Variants in BDNF observed in about 807,000 individuals in gnomAD.
The protein encoded by BDNF is brain derived neurotrophic factor.
In BDNF, 1 loss-of-function variant was observed where a neutral mutation model predicts 19.5. That is an observed-to-expected ratio of 0.05 (90% CI 0.02 to 0.24). The LOEUF (loss-of-function observed/expected upper bound fraction) is 0.24. Among genes scored for constraint, BDNF ranks in the 10% least tolerant of loss-of-function variants. The probability of loss-of-function intolerance (pLI) is 1.00; values close to 1 mark genes in which losing one functional copy is unlikely to be tolerated. For missense variants in BDNF, 195 were observed against 317.6 expected (o/e 0.61, Z 2.93); for synonymous variants, 100 against 121.6 (o/e 0.82, Z 1.17).
chr11:27,688,973 C>T (rs1426689694), intron 1 of BDNF, among the ~76,000 whole-genome samples: 1 of 152,146 alleles, frequency 6.6e-6, no homozygotes, highest in Non-Finnish European at 1.5e-5. Context: ...ATTCATTTTT[C>T]CCTCTAAGAG....
At position 27,655,054 on chromosome 11, in the gene BDNF, A is replaced by G. The variant is rs1438581345; in HGVS notation, c.*2767T>C. 6.6e-6 allele frequency: 1 copy of G among 152,274 alleles called. No homozygotes were observed. Among genetic ancestry groups the G allele is most frequent in the Non-Finnish European group, 1.5e-5 (1 of 68,002 alleles). The allele number at this position is 152,274 out of a possible 1,614,324, so 9.4% of individuals were successfully genotyped here. ...TTTTTTCAATAACATAATTATATAA[A>G]TATACTAAAATACAATAAATATTGT... On this transcript the variant is annotated 3_prime_UTR_variant, in exon 2 of 2. Transcript: ENST00000356660.
chr11:27,702,306 A>G (rs1188646530), upstream of BDNF, among the ~76,000 whole-genome samples: 4 of 152,196 alleles, frequency 2.6e-5, no homozygotes, highest in African/African-American at 9.7e-5. Flanking sequence ...ATTGTGATTT[A>G]GTAGGGGTGG....
At chr11:27,681,751 A>G (rs1422482556) in intron 1 of BDNF, among the ~76,000 whole-genome samples, 1 of 152,174 alleles carries the variant, frequency 6.6e-6, no homozygotes, top group African/African-American at 2.4e-5. Context: ...GGAGCTGGAA[A>G]GTACTAAAAA....
intron 1 of BDNF, among the ~76,000 whole-genome samples, chr11:27,699,936 G>C (rs1050911091): frequency 1.3e-5 from 2 of 152,134 alleles, no homozygotes; most frequent in Admixed American, 1.3e-4. Context: ...CCTCTACTTC[G>C]TGACTTCCCC....
upstream of BDNF, among the ~76,000 whole-genome samples, chr11:27,705,289 G>A (rs1860066316): frequency 6.6e-6 from 1 of 152,158 alleles, no homozygotes; most frequent in African/African-American, 2.4e-5. Flanking sequence ...AGTTGGTTTT[G>A]CTAGGAGAAA....
chr11:27,658,830 A>G lies in BDNF; in HGVS notation c.-21-245T>C, dbSNP rs1852930100. The G allele has an allele frequency of 7.2e-7, 1 of 1,385,928 alleles. No homozygotes were observed. Among genetic ancestry groups the G allele is most frequent in the South Asian group, 1.6e-5 (1 of 61,744 alleles). 85.9% of individuals were successfully genotyped at this position (1,385,928 alleles called of 1,614,324 possible). ...ATCTAGCATATAAACCTGAGATTAG[A>G]TGGCTTCTAAGCAAGTGCAAAAATT... On this transcript the variant is annotated intron_variant, in intron 1 of 1. Transcript: ENST00000356660. The surrounding 1 kb of genome is among the most constrained non-coding windows in gnomAD (Gnocchi z 5.7).
At chr11:27,674,853 A>G (rs1855874813) in intron 1 of BDNF, 1 of 922,870 alleles carries the variant, frequency 1.1e-6, no homozygotes, top group African/African-American at 1.8e-5. Context: ...TGTTGGTGAT[A>G]GGATTTTGGA....
intron 1 of BDNF, among the ~76,000 whole-genome samples, chr11:27,664,437 G>GAGAA (rs1411158530): frequency 6.6e-6 from 1 of 152,038 alleles, no homozygotes; most frequent in South Asian, 2.1e-4. Context: ...ATTTTATAAA[G>GAGAA]AGAAAGAAGT....
chr11:27,668,668 T>C (rs1174978199), intron 1 of BDNF, among the ~76,000 whole-genome samples: 4 of 151,774 alleles, frequency 2.6e-5, no homozygotes, highest in African/African-American at 9.7e-5. Flanking sequence ...TAAAAGAAAT[T>C]TATAAATTCC....
chr11:27,662,607 C>T (rs1398322227), intron 1 of BDNF, among the ~76,000 whole-genome samples: 1 of 152,174 alleles, frequency 6.6e-6, no homozygotes, highest in Non-Finnish European at 1.5e-5. Context: ...TGAAATGGTT[C>T]CACCTTAGAT....
intron 1 of BDNF, among the ~76,000 whole-genome samples, chr11:27,676,359 A>G (rs1856109430): frequency 1.3e-5 from 2 of 152,186 alleles, no homozygotes; most frequent in Non-Finnish European, 2.9e-5. Flanking sequence ...TTTAAATTAA[A>G]TAACCACTGT....
chr11:27,675,843 A>T (rs1409521586), intron 1 of BDNF: 1 of 152,184 alleles, frequency 6.6e-6, no homozygotes, highest in Non-Finnish European at 1.5e-5. Context: ...CATCGAGTCA[A>T]AACAGCCAAA....
At chr11:27,700,023 C>G in intron 1 of BDNF, 141 bp downstream of exon 1, 4 of 842,682 alleles carry the variant, frequency 4.7e-6, no homozygotes, top group Non-Finnish European at 5.7e-6. Context: ...AAGAGTAACT[C>G]CAAATCGTCC....
Position 27,682,861 on chromosome 11 carries a change from A to G in BDNF, c.-22+17303T>C, listed in dbSNP as rs187952866. ...CTTTGCTATTGTGAATAGTGCCACAATAAACATACATGTGCATGTGTCTTT... is the reference window on the plus strand; with the variant it reads ...CTTTGCTATTGTGAATAGTGCCACAGTAAACATACATGTGCATGTGTCTTT... On this transcript the variant is annotated intron_variant, in intron 1 of 1. Transcript: ENST00000356660. Among the ~76,000 whole-genome samples the G allele has an allele frequency of 2.6e-5, 4 of 152,336 alleles. No homozygotes were observed. In the East Asian group the frequency reaches 7.7e-4, roughly 29 times the overall value.
chr11:27,681,610 C>G (rs1320326808), intron 1 of BDNF, among the ~76,000 whole-genome samples: 1 of 152,050 alleles, frequency 6.6e-6, no homozygotes, highest in East Asian at 1.9e-4. Context: ...ACACATGAGA[C>G]TCAGAGAATT....
upstream of BDNF, chr11:27,701,548 C>A: frequency 1.0e-6 from 1 of 987,716 alleles, no homozygotes; most frequent in Non-Finnish European, 1.2e-6. Context: ...CATTTGATCT[C>A]GGCAGAGGCA....
At chr11:27,674,353 C>T (rs1213904170) in intron 1 of BDNF, 2 of 1,529,300 alleles carry the variant, frequency 1.3e-6, no homozygotes, top group Middle Eastern at 2.3e-4. Flanking sequence ...CTGTAAAGCA[C>T]AGGAAAGTGC....
intron 1 of BDNF, chr11:27,659,023 A>G (rs1293594017): frequency 9.3e-7 from 1 of 1,078,732 alleles, no homozygotes; most frequent in Non-Finnish European, 1.1e-6. Flanking sequence ...GGTCCTTTGC[A>G]GGAATGTGTG....
At position 27,667,107 on chromosome 11, in the gene BDNF, A is replaced by G. The variant is rs550739379; in HGVS notation, c.-21-8522T>C. ...TACAAGCCAGAAGAGAGTGGGGGCCAATATTCAACATTCTTAAAGAAAAGA... is the reference window on the plus strand; with the variant it reads ...TACAAGCCAGAAGAGAGTGGGGGCCGATATTCAACATTCTTAAAGAAAAGA... On this transcript the variant is annotated intron_variant, in intron 1 of 1. Coordinates refer to ENST00000356660, the MANE Select transcript of BDNF (RefSeq NM_001709.5). Among the ~76,000 whole-genome samples, 1,117 of 152,338 alleles carry G rather than the reference A, an allele frequency of 7.3e-3. 12 individuals are homozygous for G. Among genetic ancestry groups the G allele is most frequent in the African/African-American group, 0.025 (1,042 of 41,578 alleles).
Sources: gnomAD v4.1 joint callset for allele counts (sites outside exome capture counted in the v4.1 genomes callset) on GRCh38, gnomAD v4.1.1 for gene constraint, Gnocchi (gnomAD v3.1) non-coding constraint, MANE v1.5 for transcripts, NCBI Gene and HGNC (gene_info 2026-07-23, HGNC 2026-07-21) for gene names.